The following CDH13 variants were observed in gnomAD, a reference collection of about 807,000 sequenced individuals.
CDH13 encodes the protein cadherin-13.
A neutral mutation model predicts 63.8 loss-of-function variants in CDH13; 24 were observed. That is an observed-to-expected ratio of 0.38 (90% confidence interval 0.27 to 0.53). CDH13 has a LOEUF of 0.53. Ranked by LOEUF, CDH13 falls within the 20% of genes least tolerant of loss-of-function variation. The probability of loss-of-function intolerance (pLI) is 0.85; values close to 1 mark genes in which losing one functional copy is unlikely to be tolerated. For missense variants in CDH13, 1,049 were observed against 903.1 expected, an observed-to-expected ratio of 1.16 and a Z score of -2.07; for synonymous variants, 503 against 355.3, an observed-to-expected ratio of 1.42 and a Z score of -4.67.
intron 3 of CDH13, among the ~76,000 whole-genome samples, chr16:83,051,478 A>G (rs1320702500): frequency 1.3e-5 from 2 of 152,228 alleles, no homozygotes; most frequent in Non-Finnish European, 2.9e-5. Flanking sequence ...ACCTGGTACT[A>G]GGAATTTCTT....
chr16:83,467,377 G>A (rs2073342730), intron 6 of CDH13, among the ~76,000 whole-genome samples: 1 of 152,136 alleles, frequency 6.6e-6, no homozygotes, highest in South Asian at 2.1e-4. Context: ...GAGCTTATGT[G>A]TGAGCGGATG....
chr16:82,903,705 A>G (rs1239123716), intron 2 of CDH13, among the ~76,000 whole-genome samples: 1 of 152,006 alleles, frequency 6.6e-6, no homozygotes, highest in African/African-American at 2.4e-5. Flanking sequence ...GGCTGTGCAT[A>G]TAGGAAAAGG....
At chr16:83,426,907 CTTTTTTTTTTTTTTTTTTTTT>C (rs71148833) in intron 6 of CDH13, among the ~76,000 whole-genome samples, 1 of 63,184 alleles carries the variant, frequency 1.6e-5, no homozygotes, top group Admixed American at 2.2e-4. Flanking sequence ...ATGTTTCTTT[CTTTTTTTTTTTTTTTTTTTTT>C]TTTTTTTTTT....
intron 4 of CDH13, among the ~76,000 whole-genome samples, chr16:83,175,988 C>G (rs1162757214): frequency 1.3e-5 from 2 of 151,540 alleles, no homozygotes; most frequent in Non-Finnish European, 2.9e-5. Flanking sequence ...GCCACAATGC[C>G]TGGCTAATTT....
At chr16:82,742,374 A>G (rs932827661) in intron 1 of CDH13, among the ~76,000 whole-genome samples, 2 of 152,086 alleles carry the variant, frequency 1.3e-5, no homozygotes, top group African/African-American at 4.8e-5. Context: ...CATAGCATTT[A>G]TAGTAAATGA....
chr16:83,536,216 C>G (rs981178525), intron 7 of CDH13, among the ~76,000 whole-genome samples: 2 of 152,186 alleles, frequency 1.3e-5, no homozygotes, highest in African/African-American at 2.4e-5. Context: ...AACCAACAGT[C>G]ATTGTCTTCA....
At chr16:83,238,684 C>G (rs1411417013) in intron 5 of CDH13, among the ~76,000 whole-genome samples, 1 of 152,192 alleles carries the variant, frequency 6.6e-6, no homozygotes, top group Non-Finnish European at 1.5e-5. Flanking sequence ...TCATCTCAGG[C>G]ACCTAAAGTC....
At chr16:83,283,489 G>C (rs895289650) in intron 5 of CDH13, among the ~76,000 whole-genome samples, 1 of 152,172 alleles carries the variant, frequency 6.6e-6, no homozygotes, top group African/African-American at 2.4e-5. Flanking sequence ...TACTTGGGAG[G>C]CTGAGACATG....
At chr16:82,811,093 GT>G (rs573487483) in intron 1 of CDH13, among the ~76,000 whole-genome samples, 1 of 152,142 alleles carries the variant, frequency 6.6e-6, no homozygotes, top group Non-Finnish European at 1.5e-5. Flanking sequence ...CTATATCATT[GT>G]GGTAATAAAG....
chr16:82,720,379 G>A (rs774799422), intron 1 of CDH13, among the ~76,000 whole-genome samples: 5 of 152,150 alleles, frequency 3.3e-5, no homozygotes, highest in African/African-American at 9.6e-5. Flanking sequence ...ACAATACTTC[G>A]TATTAATTAA....
At chr16:83,707,653 T>C (rs1289457652) in intron 10 of CDH13, among the ~76,000 whole-genome samples, 2 of 152,054 alleles carry the variant, frequency 1.3e-5, no homozygotes, top group African/African-American at 4.8e-5. Flanking sequence ...GATCAGCTCT[T>C]AGATTCCCCG....
intron 13 of CDH13, among the ~76,000 whole-genome samples, chr16:83,789,032 T>C (rs16961807): frequency 0.13 from 19,746 of 152,254 alleles, 2,138 homozygotes; most frequent in African/African-American, 0.3. Context: ...ATTTAAATGT[T>C]AGAGATGCCT....
chr16:83,373,122 C>A (rs1317344880), intron 6 of CDH13, among the ~76,000 whole-genome samples: 1 of 152,118 alleles, frequency 6.6e-6, no homozygotes. Context: ...TTGGGTATTT[C>A]CATAATATTG....
At chr16:83,215,153 T>C (rs540680487) in intron 4 of CDH13, among the ~76,000 whole-genome samples, 1 of 118,516 alleles carries the variant, frequency 8.4e-6, no homozygotes, top group African/African-American at 3.1e-5. Context: ...CCCAGCTCAC[T>C]GCAACCTATG....
chr16:82,719,968 T>C (rs921049362), intron 1 of CDH13, among the ~76,000 whole-genome samples: 4 of 152,066 alleles, frequency 2.6e-5, no homozygotes, highest in Admixed American at 6.6e-5. Flanking sequence ...TTTTACTGTA[T>C]GCTAAATGGT....
chr16:83,247,958 C>A (rs1009661869), intron 5 of CDH13, among the ~76,000 whole-genome samples: 1 of 152,182 alleles, frequency 6.6e-6, no homozygotes, highest in African/African-American at 2.4e-5. Context: ...TTTCTGCACG[C>A]TCCATTTCTG....
At chr16:82,712,291 T>G (rs990185325) in intron 1 of CDH13, among the ~76,000 whole-genome samples, 2 of 152,142 alleles carry the variant, frequency 1.3e-5, no homozygotes, top group African/African-American at 4.8e-5. Flanking sequence ...AAAGTCTAAA[T>G]TATAGAATAC....
intron 1 of CDH13, among the ~76,000 whole-genome samples, chr16:82,640,108 T>C (rs1909204175): frequency 6.6e-6 from 1 of 152,140 alleles, no homozygotes; most frequent in Non-Finnish European, 1.5e-5. Flanking sequence ...AATAAATAAA[T>C]ATGGTAGTTT....
intron 10 of CDH13, among the ~76,000 whole-genome samples, chr16:83,704,345 T>G (rs897653394): frequency 7.9e-5 from 12 of 152,226 alleles, no homozygotes; most frequent in Non-Finnish European, 1.8e-4. Flanking sequence ...TGTTCTCATT[T>G]CGATGCCAGA....
Sources: allele counts gnomAD v4.1 joint callset (sites outside exome capture counted in the v4.1 genomes callset), GRCh38; gene constraint gnomAD v4.1.1; transcripts MANE v1.5; gene names NCBI Gene and HGNC (gene_info 2026-07-23, HGNC 2026-07-21).